AGBL4: variants seen among roughly 807,000 people sequenced by gnomAD.
The protein encoded by AGBL4 is cytosolic carboxypeptidase 6.
In AGBL4, 58 loss-of-function variants were observed where a neutral mutation model predicts 66.4. The observed-to-expected ratio is 0.87, with a 90% CI of 0.71 to 1.09. The LOEUF (loss-of-function observed/expected upper bound fraction) is 1.09, where lower values mean the gene tolerates loss of function less well. Among genes scored for constraint, AGBL4 ranks in the 50% least tolerant of loss-of-function variants. AGBL4 has a pLI of 0.00. For synonymous variants in AGBL4, 234 were observed against 222.9 expected, an observed-to-expected ratio of 1.05 and a Z score of -0.44; for missense variants, 579 against 631.0, an observed-to-expected ratio of 0.92 and a Z score of 0.88.
At position 48,877,079 on chromosome 1, in the gene AGBL4, A is replaced by G. The variant is rs1211013717; in HGVS notation, c.595-9849T>C. Reference sequence around the variant, plus strand: ...AAACTGAGGCCACAGAAGGAAAGGGATCTGCTCAAAATCACCTGCCATATT... The same window carrying G: ...AAACTGAGGCCACAGAAGGAAAGGGGTCTGCTCAAAATCACCTGCCATATT... On this transcript the variant is annotated intron_variant, in intron 5 of 13. Coordinates refer to ENST00000371839, the MANE Select transcript of AGBL4 (RefSeq NM_032785.4). Among the ~76,000 whole-genome samples, 4 of 152,156 alleles carry G rather than the reference A, an allele frequency of 2.6e-5. No homozygotes were observed. The East Asian group carries it at 7.7e-4, about 29-fold the overall frequency.
chr1:49,749,104 T>C (rs1054435659), intron 2 of AGBL4, among the ~76,000 whole-genome samples: 1 of 152,212 alleles, frequency 6.6e-6, no homozygotes, highest in African/African-American at 2.4e-5. Context: ...CTGAATGGTA[T>C]TGCCTAGGTT....
At chr1:49,228,379 T>C (rs370639536) in intron 4 of AGBL4, among the ~76,000 whole-genome samples, 3 of 152,154 alleles carry the variant, frequency 2.0e-5, no homozygotes, top group Non-Finnish European at 4.4e-5. Flanking sequence ...GATAAGGCTA[T>C]AACAAATGAA....
At chr1:48,761,134 G>T in intron 6 of AGBL4, 1 of 555,582 alleles carries the variant, frequency 1.8e-6, no homozygotes, top group Non-Finnish European at 3.2e-6. Context: ...TGGTGGCACA[G>T]CATGAATCAG....
chr1:49,532,463 C>G (rs1651215963), intron 3 of AGBL4, among the ~76,000 whole-genome samples: 1 of 152,004 alleles, frequency 6.6e-6, no homozygotes, highest in Admixed American at 6.6e-5. Flanking sequence ...CTTACTCATC[C>G]CTTCTTCTAA....
intron 12 of AGBL4, 28 bp downstream of exon 12, chr1:48,539,614 G>T: frequency 6.7e-7 from 1 of 1,502,700 alleles, no homozygotes; most frequent in Non-Finnish European, 9.0e-7. Flanking sequence ...CAGAACTCAA[G>T]CCGAAACCTC....
At chr1:48,801,245 C>T (rs1174613781) in intron 6 of AGBL4, among the ~76,000 whole-genome samples, 1 of 152,194 alleles carries the variant, frequency 6.6e-6, no homozygotes, top group Non-Finnish European at 1.5e-5. Flanking sequence ...CTACAAGCCT[C>T]CTCACTGAGA....
At chr1:48,662,474 C>T (rs1469804649) in intron 7 of AGBL4, among the ~76,000 whole-genome samples, 2 of 152,204 alleles carry the variant, frequency 1.3e-5, no homozygotes, top group African/African-American at 4.8e-5. Flanking sequence ...CTCATGGTCA[C>T]TTTGAGATTA....
At chr1:48,763,029 A>G (rs1488564157) in intron 6 of AGBL4, among the ~76,000 whole-genome samples, 3 of 152,198 alleles carry the variant, frequency 2.0e-5, no homozygotes, top group South Asian at 4.1e-4. Flanking sequence ...ATGGCACAAT[A>G]TAATTGGTAT....
intron 5 of AGBL4, among the ~76,000 whole-genome samples, chr1:48,957,348 A>G (rs533049671): frequency 6.6e-6 from 1 of 152,304 alleles, no homozygotes; most frequent in African/African-American, 2.4e-5. Flanking sequence ...ATAGTAATGC[A>G]ATGTGTATGA....
chr1:49,949,666 C>T (rs1388315070), intron 1 of AGBL4, among the ~76,000 whole-genome samples: 1 of 151,622 alleles, frequency 6.6e-6, no homozygotes, highest in Non-Finnish European at 1.5e-5. Context: ...TACCACCTTA[C>T]TCCTGCATGA....
chr1:49,361,983 A>G (rs1005054977), intron 3 of AGBL4, among the ~76,000 whole-genome samples: 2 of 152,152 alleles, frequency 1.3e-5, no homozygotes, highest in East Asian at 1.9e-4. Flanking sequence ...GATTTCCTCT[A>G]TGAAACTTGT....
At chr1:48,624,272 T>C (rs1645462809) in intron 9 of AGBL4, among the ~76,000 whole-genome samples, 1 of 152,144 alleles carries the variant, frequency 6.6e-6, no homozygotes, top group African/African-American at 2.4e-5. Context: ...TTATAGAGGT[T>C]TGAAAGTTGA....
intron 2 of AGBL4, among the ~76,000 whole-genome samples, chr1:49,810,534 TGTTAATAGGGG>T (rs1246949768): frequency 2.5e-4 from 38 of 152,200 alleles, no homozygotes; most frequent in Non-Finnish European, 1.2e-4. Flanking sequence ...GAAGACTTGA[TGTTAATAGGGG>T]GTACTGGAGA....
intron 2 of AGBL4, among the ~76,000 whole-genome samples, chr1:49,806,583 G>A (rs2147960473): frequency 6.6e-6 from 1 of 152,318 alleles, no homozygotes; most frequent in Admixed American, 6.5e-5. Context: ...TAACAAATGA[G>A]AAAGCATGTT....
chr1:49,541,290 C>A (rs996713731), intron 3 of AGBL4, among the ~76,000 whole-genome samples: 4 of 152,136 alleles, frequency 2.6e-5, no homozygotes, highest in Admixed American at 2.0e-4. Flanking sequence ...CTGGGCTGGC[C>A]GAGGTCAGAG....
chr1:48,892,688 A>G (rs1185975690), intron 5 of AGBL4, among the ~76,000 whole-genome samples: 1 of 152,184 alleles, frequency 6.6e-6, no homozygotes, highest in African/African-American at 2.4e-5. Context: ...AGGCAATTAG[A>G]TACACATTTA....
At chr1:49,350,397 G>T (rs1645728540) in intron 3 of AGBL4, among the ~76,000 whole-genome samples, 1 of 151,712 alleles carries the variant, frequency 6.6e-6, no homozygotes, top group Admixed American at 6.6e-5. Flanking sequence ...TAGAGACGGG[G>T]TTTCACCGTT....
intron 1 of AGBL4, among the ~76,000 whole-genome samples, chr1:49,951,074 G>T (rs146339683): frequency 1.3e-5 from 2 of 151,812 alleles, no homozygotes; most frequent in East Asian, 3.9e-4. Flanking sequence ...GCCAGGGGAT[G>T]GGGGGGATAG....
At position 48,828,922 on chromosome 1, in the gene AGBL4, CGT is replaced by C. The variant is rs371689742; in HGVS notation, c.634+38267_634+38268del. Among the ~76,000 whole-genome samples, 19 of 152,052 alleles carry C rather than the reference CGT, an allele frequency of 1.2e-4. No homozygotes were observed. The South Asian group carries it at 1.5e-3, about 12-fold the overall frequency. On this transcript the variant is annotated intron_variant, in intron 6 of 13. Coordinates refer to ENST00000371839, the MANE Select transcript of AGBL4 (RefSeq NM_032785.4). ...TTTTCACTATTCTTAGCATTGTGTA[CGT>C]GTGTGTGTGTATGTGTGTAAGATAT...
Sources: allele counts gnomAD v4.1 joint callset (sites outside exome capture counted in the v4.1 genomes callset), GRCh38; gene constraint gnomAD v4.1.1; transcripts MANE v1.5; gene names NCBI Gene and HGNC (gene_info 2026-07-23, HGNC 2026-07-21).